Variants in DOCK10 observed in about 807,000 individuals in gnomAD.
DOCK10 encodes dedicator of cytokinesis 10.
DOCK10 carries 145 observed loss-of-function variants against 280.1 expected under a neutral mutation model. The observed-to-expected ratio is 0.52, with a 90% CI of 0.45 to 0.59. The LOEUF (loss-of-function observed/expected upper bound fraction) is 0.59, where lower values mean the gene tolerates loss of function less well. Among genes scored for constraint, DOCK10 ranks in the 20% least tolerant of loss-of-function variants. DOCK10 has a pLI of 0.00. For missense variants in DOCK10, 2,368 were observed against 2,651.7 expected (o/e 0.89, Z 2.35); for synonymous variants, 915 against 942.2 (o/e 0.97, Z 0.53).
In DOCK10 at chr2:224,874,766, C is replaced by A. The variant is rs376278998; in HGVS notation, c.932-15G>T. 1.0e-5 allele frequency: 16 copies of A among 1,607,208 alleles called. No homozygotes were observed. In the African/African-American group the frequency reaches 1.9e-4, roughly 19 times the overall value. On this transcript the variant is annotated splice_polypyrimidine_tract_variant and intron_variant, in intron 8 of 55. Transcript: ENST00000258390. Reference sequence around the variant, plus strand: ...ATCCAGCGAATCTTAAAAAGATATACCAAGTCAGGTTATTAAATATTACTC... The same window carrying A: ...ATCCAGCGAATCTTAAAAAGATATAACAAGTCAGGTTATTAAATATTACTC...
At chr2:224,954,872 T>A (rs746774279) in intron 1 of DOCK10, among the ~76,000 whole-genome samples, 4 of 152,220 alleles carry the variant, frequency 2.6e-5, no homozygotes, top group Non-Finnish European at 2.9e-5. Flanking sequence ...TGAAAAGCAT[T>A]CCGAGCTGAA....
chr2:225,017,776 T>G (rs1689657792), intron 1 of DOCK10, among the ~76,000 whole-genome samples: 1 of 151,678 alleles, frequency 6.6e-6, no homozygotes, highest in Non-Finnish European at 1.5e-5. Context: ...TCCTTTTAGA[T>G]CTCCACTAAC....
intron 1 of DOCK10, among the ~76,000 whole-genome samples, chr2:224,962,170 T>C (rs752441923): frequency 6.6e-6 from 1 of 152,224 alleles, no homozygotes; most frequent in Non-Finnish European, 1.5e-5. Context: ...CATTTTTTCA[T>C]AGCAGTTTGA....
intron 4 of DOCK10, among the ~76,000 whole-genome samples, chr2:224,890,607 A>G (rs1223002973): frequency 6.6e-6 from 1 of 152,238 alleles, no homozygotes; most frequent in African/African-American, 2.4e-5. Flanking sequence ...TGTTACTCAG[A>G]AAGGAAAAGA....
chr2:224,978,879 T>C (rs1247273135), intron 1 of DOCK10, among the ~76,000 whole-genome samples: 1 of 152,248 alleles, frequency 6.6e-6, no homozygotes, highest in Admixed American at 6.5e-5. Flanking sequence ...ACTTCTGTGT[T>C]CTTTATCTGA....
In DOCK10 at chr2:224,972,674, C is replaced by T. The variant is rs561856555; in HGVS notation, c.124-41006G>A. On this transcript the variant is annotated intron_variant, in intron 1 of 55. Transcript: ENST00000258390. ...GCATTCTCTCTCACCTGATTTTCGA[C>T]TTTTCTTTATGATTGTGGTGGTTTT... Among the ~76,000 whole-genome samples, 24 of 152,286 alleles carry T rather than the reference C, an allele frequency of 1.6e-4. No homozygotes were observed. The South Asian group carries it at 3.1e-3, about 20-fold the overall frequency.
intron 2 of DOCK10, among the ~76,000 whole-genome samples, chr2:224,928,371 T>C (rs866887682): frequency 1.3e-5 from 2 of 152,238 alleles, no homozygotes; most frequent in African/African-American, 4.8e-5. Flanking sequence ...GGTCAAGGAA[T>C]GGTGTCCGTG....
intron 4 of DOCK10, among the ~76,000 whole-genome samples, chr2:224,890,936 A>G (rs1699618285): frequency 6.6e-6 from 1 of 152,228 alleles, no homozygotes; most frequent in Admixed American, 6.5e-5. Flanking sequence ...AAGAGAAAAA[A>G]TGAACTGCAG....
At chr2:224,925,355 A>G (rs545291266) in intron 2 of DOCK10, among the ~76,000 whole-genome samples, 1 of 152,338 alleles carries the variant, frequency 6.6e-6, no homozygotes, top group East Asian at 1.9e-4. Flanking sequence ...CCATTGGTAT[A>G]TTATGATATC....
intron 4 of DOCK10, among the ~76,000 whole-genome samples, chr2:224,894,347 A>G (rs547045431): frequency 1.3e-5 from 2 of 152,232 alleles, no homozygotes; most frequent in African/African-American, 2.4e-5. Flanking sequence ...AAAGATGAAC[A>G]GTGTTTGGGG....
intron 27 of DOCK10, among the ~76,000 whole-genome samples, chr2:224,827,897 T>G (rs1694974292): frequency 1.3e-5 from 2 of 152,186 alleles, no homozygotes; most frequent in Admixed American, 1.3e-4. Flanking sequence ...ACCTGGGGCC[T>G]AGAAGCATGG....
intron 1 of DOCK10, among the ~76,000 whole-genome samples, chr2:224,966,895 G>T (rs1275587950): frequency 7.0e-6 from 1 of 142,858 alleles, no homozygotes; most frequent in Admixed American, 7.0e-5. Flanking sequence ...GTACTCAGAT[G>T]AAAAAAAAAA....
At chr2:225,008,158 C>T (rs1407947854) in intron 1 of DOCK10, among the ~76,000 whole-genome samples, 1 of 152,098 alleles carries the variant, frequency 6.6e-6, no homozygotes, top group Non-Finnish European at 1.5e-5. Context: ...TCTTGTCATT[C>T]ATTCATAAAC....
At chr2:225,025,009 A>T (rs1689882855) in intron 1 of DOCK10, among the ~76,000 whole-genome samples, 1 of 152,242 alleles carries the variant, frequency 6.6e-6, no homozygotes. Context: ...GGTATTGGTC[A>T]TGTGTATTTC....
intron 52 of DOCK10, 126 bp downstream of exon 52, chr2:224,774,779 C>G: frequency 1.2e-6 from 1 of 824,062 alleles, no homozygotes; most frequent in East Asian, 2.7e-5. Context: ...AAACATTTCC[C>G]AGTTAGCACA....
chr2:224,792,920 A>C (rs1692298605), intron 47 of DOCK10, 54 bp downstream of exon 47: 2 of 1,311,076 alleles, frequency 1.5e-6, no homozygotes, highest in Admixed American at 1.9e-5. Flanking sequence ...GTAGAATTTG[A>C]GCAGCAAGTG....
intron 7 of DOCK10, among the ~76,000 whole-genome samples, chr2:224,885,046 C>G (rs1452810685): frequency 1.3e-5 from 2 of 152,214 alleles, no homozygotes; most frequent in Non-Finnish European, 2.9e-5. Context: ...GTCACCCAGT[C>G]TGGAGTGCAG....
intron 1 of DOCK10, among the ~76,000 whole-genome samples, chr2:224,952,495 A>G (rs1351559933): frequency 2.0e-5 from 3 of 152,238 alleles, no homozygotes; most frequent in Non-Finnish European, 4.4e-5. Flanking sequence ...AGAGCTCAAC[A>G]AAGTTGGAAG....
At chr2:225,022,537 C>T (rs1054430588) in intron 1 of DOCK10, among the ~76,000 whole-genome samples, 3 of 152,174 alleles carry the variant, frequency 2.0e-5, no homozygotes, top group East Asian at 1.9e-4. Flanking sequence ...TTTTCACACA[C>T]ATGTAGAACT....
Sources: gnomAD v4.1 joint callset for allele counts (sites outside exome capture counted in the v4.1 genomes callset) on GRCh38, gnomAD v4.1.1 for gene constraint, MANE v1.5 for transcripts, NCBI Gene and HGNC (gene_info 2026-07-23, HGNC 2026-07-21) for gene names.